PPP1R37: variants seen among roughly 807,000 people sequenced by gnomAD.
PPP1R37 encodes the protein leucine rich repeat containing 68.
PPP1R37 carries 21 observed loss-of-function variants against 61.0 expected under a neutral mutation model. The observed-to-expected ratio is 0.34, with a 90% confidence interval of 0.24 to 0.50. The LOEUF is 0.50. Ranked by LOEUF, PPP1R37 falls within the 20% of genes least tolerant of loss-of-function variation. The pLI is 0.98. For missense variants in PPP1R37, 910 were observed against 952.7 expected (o/e 0.96, Z 0.59); for synonymous variants, 443 against 433.5 (o/e 1.02, Z -0.27).
chr19:45,094,287 A>AT (rs1264314402), intron 1 of PPP1R37, among the ~76,000 whole-genome samples: 2 of 152,122 alleles, frequency 1.3e-5, no homozygotes, highest in African/African-American at 2.4e-5. Flanking sequence ...GCCTGCTGCA[A>AT]TGTGGTATTA....
intron 1 of PPP1R37, among the ~76,000 whole-genome samples, chr19:45,106,316 A>G (rs570684563): frequency 1.3e-5 from 2 of 152,030 alleles, no homozygotes; most frequent in South Asian, 2.1e-4. Flanking sequence ...ATCTTGGCTT[A>G]CTGAAACCTT....
intron 1 of PPP1R37, among the ~76,000 whole-genome samples, chr19:45,103,897 C>T (rs1968096238): frequency 6.6e-6 from 1 of 152,142 alleles, no homozygotes; most frequent in African/African-American, 2.4e-5. Flanking sequence ...ATCCTCTGTC[C>T]TGTTTCAGAA....
In PPP1R37 at chr19:45,145,466, G is replaced by A. The variant is rs906456316; in HGVS notation, c.1410G>A (p.Leu470=). The A allele has an allele frequency of 1.2e-5, 18 of 1,535,110 alleles. No homozygotes were observed. Among genetic ancestry groups the A allele is most frequent in the Non-Finnish European group, 1.6e-5 (18 of 1,146,580 alleles). ...EREEKEQPPQ[L]SASMPETTAT... ...AGGAGAAGGAGCAGCCGCCACAGCT[G>A]TCGGCCTCCATGCCTGAGACCACCG... The change falls in exon 11 of 13, where the codon CTG becomes CTA. Residue 470 remains leucine, a synonymous_variant. Coordinates refer to ENST00000221462, the MANE Select transcript of PPP1R37 (RefSeq NM_019121.2).
rs1968615914 is a variant in PPP1R37 at position 45,141,835 on chromosome 19, T to C, written c.568-226T>C. Among the ~76,000 whole-genome samples the C allele has an allele frequency of 2.0e-5, 3 of 152,188 alleles. No homozygotes were observed. The South Asian group carries it at 6.2e-4, about 31-fold the overall frequency. ...TGGAGATCCTGGCTGCCACCAGCCC[T>C]GCCTCGCTCACCCACAGGACCCCAG... On this transcript the variant is annotated intron_variant, in intron 5 of 12. Coordinates refer to ENST00000221462, the MANE Select transcript of PPP1R37 (RefSeq NM_019121.2).
Position 45,145,490 on chromosome 19 carries a change from C to A in PPP1R37, c.1434C>A (p.Thr478=). 6.5e-7 allele frequency: 1 copy of A among 1,534,570 alleles called. No homozygotes were observed. Residue 478 remains threonine, a synonymous_variant, in exon 11 of 13, where the codon ACC becomes ACA. Transcript: ENST00000221462. ...TGTCGGCCTCCATGCCTGAGACCAC[C>A]GCCACCGAGCCCCAGCCCGACGACG... ...PQLSASMPET[T]ATEPQPDDEP...
intron 1 of PPP1R37, among the ~76,000 whole-genome samples, chr19:45,117,201 T>C (rs892360495): frequency 1.3e-5 from 2 of 151,938 alleles, no homozygotes; most frequent in Non-Finnish European, 2.9e-5. Flanking sequence ...GTGTGAGCCA[T>C]TGCGCCTGGC....
At chr19:45,143,229 A>G (rs948299973) in intron 7 of PPP1R37, 1 of 339,342 alleles carries the variant, frequency 2.9e-6, no homozygotes, top group Non-Finnish European at 5.5e-6. Flanking sequence ...GGAGGGAGAC[A>G]GTGGTGACTG....
chr19:45,106,156 G>A (rs1304164996), intron 1 of PPP1R37, among the ~76,000 whole-genome samples: 3 of 152,140 alleles, frequency 2.0e-5, no homozygotes, highest in East Asian at 1.9e-4. Context: ...AACCAGAGAG[G>A]GGCGGCACTT....
chr19:45,138,983 G>A lies in PPP1R37; in HGVS notation c.300+372G>A, dbSNP rs563227314. Among the ~76,000 whole-genome samples, 17 of 130,782 alleles carry A rather than the reference G, an allele frequency of 1.3e-4. No individual in the cohort carries two copies. The East Asian group carries it at 1.7e-3, about 13-fold the overall frequency. The allele number at this position is 130,782 out of a possible 152,430, so 85.8% of individuals were successfully genotyped here. ...GGCTGGAGTACAGTGGCGCCATTTCGGCTCACTGCAACCTCTGCCTCCTGG... is the reference window on the plus strand; with the variant it reads ...GGCTGGAGTACAGTGGCGCCATTTCAGCTCACTGCAACCTCTGCCTCCTGG... On this transcript the variant is annotated intron_variant, in intron 2 of 12. Transcript: ENST00000221462.
At chr19:45,128,884 G>A (rs1968442105) in intron 1 of PPP1R37, 1 of 659,612 alleles carries the variant, frequency 1.5e-6, no homozygotes, top group Admixed American at 1.9e-5. Flanking sequence ...AGGACAGCAG[G>A]GAGGTGCGAG....
intron 1 of PPP1R37, among the ~76,000 whole-genome samples, chr19:45,114,770 ACC>A (rs68097043): frequency 0.024 from 3,464 of 144,500 alleles, 38 homozygotes; most frequent in African/African-American, 0.031. Flanking sequence ...AACAAGTGAG[ACC>A]CCCCCCCCCA....
chr19:45,113,757 T>C (rs1269159103), intron 1 of PPP1R37, among the ~76,000 whole-genome samples: 1 of 152,136 alleles, frequency 6.6e-6, no homozygotes, highest in South Asian at 2.1e-4. Context: ...ACTCAGAGAG[T>C]TCTCTCCGCC....
At chr19:45,140,108 C>A (rs1968590744) in intron 2 of PPP1R37, 128 bp from the exon 3 acceptor site, 1 of 761,698 alleles carries the variant, frequency 1.3e-6, no homozygotes, top group Non-Finnish European at 2.2e-6. Flanking sequence ...CTCTGAGCCT[C>A]TGTTCAGTGC....
chr19:45,138,786 G>A (rs10401157), intron 2 of PPP1R37, among the ~76,000 whole-genome samples, 175 bp downstream of exon 2: 13,862 of 151,968 alleles, frequency 0.091, 756 homozygotes, highest in South Asian at 0.13. Context: ...AATTTGAAGA[G>A]CACAGAATTC....
rs1414745258 is a variant in PPP1R37, at chr19:45,142,391, T to A, written c.807T>A (p.Gly269=). 3 of 1,535,794 alleles carry A rather than the reference T, an allele frequency of 2.0e-6. No homozygotes were observed. The highest frequency in any genetic ancestry group is 1.7e-6 in the Non-Finnish European group (2 of 1,146,886). The change falls in exon 7 of 13, where the codon GGT becomes GGA. Residue 269 remains glycine, a synonymous_variant. Coordinates refer to ENST00000221462, the MANE Select transcript of PPP1R37 (RefSeq NM_019121.2). ...GCCTGCAGGACTCGGCCCAGCTGGG[T>A]AACCTGCTCAAGTTCAACTGCTCCC... The part of the protein sequence containing the change: ...LNGLQDSAQL[G]NLLKFNCSLQ...
At chr19:45,105,121 A>T (rs931992621) in intron 1 of PPP1R37, among the ~76,000 whole-genome samples, 2 of 152,274 alleles carry the variant, frequency 1.3e-5, no homozygotes, top group East Asian at 3.9e-4. Context: ...GCAATATGGC[A>T]GGTGGAGAAG....
intron 1 of PPP1R37, among the ~76,000 whole-genome samples, chr19:45,111,293 G>T (rs1315629815): frequency 6.6e-6 from 1 of 151,014 alleles, no homozygotes. Flanking sequence ...ATTTTTAATT[G>T]AGACAGAGTC....
At chr19:45,106,847 C>T (rs1343707787) in intron 1 of PPP1R37, among the ~76,000 whole-genome samples, 9 of 100,614 alleles carry the variant, frequency 8.9e-5, no homozygotes, top group African/African-American at 1.6e-4. Flanking sequence ...GATGGAGTCT[C>T]GCTCTGTCAC....
chr19:45,097,714 A>G (rs1968010635), intron 1 of PPP1R37, among the ~76,000 whole-genome samples: 1 of 149,740 alleles, frequency 6.7e-6, no homozygotes, highest in African/African-American at 2.5e-5. Flanking sequence ...GTGAATGGCC[A>G]TCTGATGTTC....
Sources: allele counts gnomAD v4.1 joint callset (sites outside exome capture counted in the v4.1 genomes callset), GRCh38; gene constraint gnomAD v4.1.1; transcripts MANE v1.5; gene names NCBI Gene and HGNC (gene_info 2026-07-23, HGNC 2026-07-21).